Variants in FARS2 observed in about 807,000 individuals in gnomAD.
The protein encoded by FARS2 is phenylalanine--tRNA ligase, mitochondrial.
A neutral mutation model predicts 46.4 loss-of-function variants in FARS2; 40 were observed. The observed-to-expected ratio is 0.86, with a 90% confidence interval of 0.67 to 1.12. The LOEUF (loss-of-function observed/expected upper bound fraction) is 1.12, where lower values mean the gene tolerates loss of function less well. Among genes scored for constraint, FARS2 ranks in the 50% most tolerant of loss-of-function variants. The pLI, the probability that FARS2 is intolerant of heterozygous loss-of-function variation, is 0.00. For missense variants in FARS2, 513 were observed against 567.9 expected (o/e 0.90, Z 0.98); for synonymous variants, 234 against 214.9 (o/e 1.09, Z -0.78).
At chr6:5,726,711 G>T (rs1453267182) in intron 6 of FARS2, among the ~76,000 whole-genome samples, 5 of 152,198 alleles carry the variant, frequency 3.3e-5, no homozygotes, top group Non-Finnish European at 1.5e-5. Context: ...GGCTCCAGAG[G>T]GTGGGGCATG....
chr6:5,613,327 G>C lies in FARS2; in HGVS notation c.1217+7G>C. 3 of 1,609,646 alleles carry C rather than the reference G, an allele frequency of 1.9e-6. No homozygotes were observed. The highest frequency in any genetic ancestry group is 2.5e-6 in the Non-Finnish European group (3 of 1,178,112). ...ACAAGTTTGTACATCCAAAGTAAGT[G>C]AAAAGCTTTCTGATTTTACCCTTGA... On this transcript the variant is annotated splice_region_variant and intron_variant, in intron 6 of 6. Transcript: ENST00000274680.
At chr6:5,353,433 G>A (rs1343328828) in intron 1 of FARS2, among the ~76,000 whole-genome samples, 4 of 152,108 alleles carry the variant, frequency 2.6e-5, no homozygotes, top group Non-Finnish European at 5.9e-5. Context: ...TGGGACTGCT[G>A]GATCATATAG....
chr6:5,442,525 G>A (rs1217829428), intron 4 of FARS2, among the ~76,000 whole-genome samples: 4 of 152,038 alleles, frequency 2.6e-5, no homozygotes, highest in African/African-American at 4.8e-5. Context: ...AAGTTGGCAA[G>A]TTTCATGAAG....
chr6:5,327,457 T>C (rs1770474295), intron 1 of FARS2, among the ~76,000 whole-genome samples: 1 of 152,182 alleles, frequency 6.6e-6, no homozygotes, highest in East Asian at 1.9e-4. Context: ...AATTGAATAA[T>C]GAGGGCAGGT....
chr6:5,323,615 T>G (rs1028549356), intron 1 of FARS2, among the ~76,000 whole-genome samples: 9 of 152,204 alleles, frequency 5.9e-5, no homozygotes, highest in African/African-American at 2.2e-4. Flanking sequence ...CCAAGATTTC[T>G]ACCACCAACT....
Position 5,349,882 on chromosome 6 carries a change from T to G in FARS2, c.-21-18668T>G, listed in dbSNP as rs1473818048. Among the ~76,000 whole-genome samples the G allele has an allele frequency of 4.8e-5, 6 of 124,590 alleles. No homozygotes were observed. The East Asian group carries it at 6.4e-4, about 13-fold the overall frequency. The allele number at this position is 124,590 out of a possible 152,430, so 81.7% of individuals were successfully genotyped here. ...CTCATTTTTAGACTGGAGTTATATGTTTTTTTTTTTTTTGGAAGGATCACA... is the reference window on the plus strand; with the variant it reads ...CTCATTTTTAGACTGGAGTTATATGGTTTTTTTTTTTTTGGAAGGATCACA... On this transcript the variant is annotated intron_variant, in intron 1 of 6. Transcript: ENST00000274680.
intron 5 of FARS2, among the ~76,000 whole-genome samples, chr6:5,578,808 C>CAAAAAAAAAAAAAAAAAA (rs56248218): frequency 1.1e-4 from 14 of 124,374 alleles, no homozygotes; most frequent in African/African-American, 1.9e-4. Context: ...CACTCCGTCT[C>CAAAAAAAAAAAAAAAAAA]AAAAAAAAAA....
intron 6 of FARS2, among the ~76,000 whole-genome samples, chr6:5,661,085 G>T (rs867081209): frequency 1.3e-5 from 2 of 152,232 alleles, no homozygotes; most frequent in African/African-American, 4.8e-5. Context: ...TCCAACTGAG[G>T]TTGTGGCGAG....
rs561554336 is a variant in FARS2, at chr6:5,689,574, T to C, written c.1217+76254T>C. Reference sequence around the variant, plus strand: ...CTGTGGTCTGAGAAACAGTTTGTTATAATTTCTGTTCTTTTACATTTGCTG... The same window carrying C: ...CTGTGGTCTGAGAAACAGTTTGTTACAATTTCTGTTCTTTTACATTTGCTG... On this transcript the variant is annotated intron_variant, in intron 6 of 6. Coordinates refer to ENST00000274680, the MANE Select transcript of FARS2 (RefSeq NM_006567.5). 5.3e-5 allele frequency among the ~76,000 whole-genome samples: 8 copies of C among 152,364 alleles called. No individual in the cohort carries two copies. In the East Asian group the frequency reaches 1.5e-3, roughly 29 times the overall value.
chr6:5,566,157 C>T (rs2150549123), intron 5 of FARS2, among the ~76,000 whole-genome samples: 1 of 152,324 alleles, frequency 6.6e-6, no homozygotes, highest in South Asian at 2.1e-4. Context: ...CCATGCATGT[C>T]ATTACAAGGC....
intron 5 of FARS2, among the ~76,000 whole-genome samples, chr6:5,548,742 CTT>C (rs1366111662): frequency 6.6e-6 from 1 of 152,170 alleles, no homozygotes; most frequent in Non-Finnish European, 1.5e-5. Flanking sequence ...GAAATAGACT[CTT>C]GATCTCTTGC....
At chr6:5,429,582 G>A (rs1339655183) in intron 3 of FARS2, among the ~76,000 whole-genome samples, 2 of 152,152 alleles carry the variant, frequency 1.3e-5, no homozygotes, top group Non-Finnish European at 2.9e-5. Context: ...GAGTCAGGAG[G>A]ATTGCTTGAG....
chr6:5,389,464 C>T (rs959379889), intron 2 of FARS2, among the ~76,000 whole-genome samples: 1 of 152,144 alleles, frequency 6.6e-6, no homozygotes, highest in Non-Finnish European at 1.5e-5. Context: ...GCTGCATTAC[C>T]TAGCAAGATT....
chr6:5,617,064 G>T (rs1178333590), intron 6 of FARS2, among the ~76,000 whole-genome samples: 1 of 152,014 alleles, frequency 6.6e-6, no homozygotes, highest in African/African-American at 2.4e-5. Flanking sequence ...TGGGAGTAGG[G>T]TAGTGTTGGG....
chr6:5,324,868 A>G (rs1239831234), intron 1 of FARS2, among the ~76,000 whole-genome samples: 2 of 152,032 alleles, frequency 1.3e-5, no homozygotes, highest in Non-Finnish European at 2.9e-5. Flanking sequence ...TCCACCAAGA[A>G]CAGATCCCAT....
chr6:5,726,299 T>C (rs7762447), intron 6 of FARS2, among the ~76,000 whole-genome samples: 4,572 of 152,200 alleles, frequency 0.03, 184 homozygotes, highest in South Asian at 0.091. Context: ...TTGCAGCGCC[T>C]CACTCCCTCA....
At chr6:5,334,149 C>T (rs1770990000) in intron 1 of FARS2, among the ~76,000 whole-genome samples, 1 of 152,050 alleles carries the variant, frequency 6.6e-6, no homozygotes, top group African/African-American at 2.4e-5. Context: ...TTTTAAAAGT[C>T]CTCTCGCATT....
At chr6:5,651,756 T>A (rs771052849) in intron 6 of FARS2, among the ~76,000 whole-genome samples, 1 of 152,196 alleles carries the variant, frequency 6.6e-6, no homozygotes, top group Non-Finnish European at 1.5e-5. Flanking sequence ...ATAGTAGCCC[T>A]ATTAGATGGT....
At chr6:5,258,610 G>A (rs2773318), upstream of FARS2, among the ~76,000 whole-genome samples, 42,251 of 152,082 alleles carry the variant, frequency 0.28, 7,220 homozygotes, top group African/African-American at 0.48. Context: ...GTAAAAGGAC[G>A]TATTTTTATA....
Sources: gnomAD v4.1 joint callset for allele counts (sites outside exome capture counted in the v4.1 genomes callset) on GRCh38, gnomAD v4.1.1 for gene constraint, MANE v1.5 for transcripts, NCBI Gene and HGNC (gene_info 2026-07-23, HGNC 2026-07-21) for gene names.